Variants in NRXN3 observed in about 807,000 individuals in gnomAD.
NRXN3 encodes the protein neurexin 3, also known as neurexin III.
NRXN3 carries 32 observed loss-of-function variants against 137.6 expected under a neutral mutation model. That is an observed-to-expected ratio of 0.23 (90% CI 0.18 to 0.31). The LOEUF is 0.31. NRXN3 is among the 10% of genes least tolerant of loss of function. The pLI, the probability that NRXN3 is intolerant of heterozygous loss-of-function variation, is 1.00. For synonymous variants in NRXN3, 798 were observed against 784.5 expected, an observed-to-expected ratio of 1.02 and a Z score of -0.29; for missense variants, 1,574 against 2,062.5, an observed-to-expected ratio of 0.76 and a Z score of 4.59.
chr14:78,336,180 T>A (rs1274932645), intron 4 of NRXN3, among the ~76,000 whole-genome samples: 1 of 152,198 alleles, frequency 6.6e-6, no homozygotes, highest in Admixed American at 6.5e-5. Context: ...TGGGTGTAAG[T>A]GGTTCTAGAG....
chr14:79,287,769 AT>A (rs1446449755), intron 15 of NRXN3, among the ~76,000 whole-genome samples: 1 of 152,240 alleles, frequency 6.6e-6, no homozygotes, highest in Non-Finnish European at 1.5e-5. Flanking sequence ...ACTTTGAATT[AT>A]AACATTATAT....
At chr14:79,247,752 CTTCTT>C (rs2153366384) in intron 15 of NRXN3, among the ~76,000 whole-genome samples, 1 of 152,126 alleles carries the variant, frequency 6.6e-6, no homozygotes, top group East Asian at 1.9e-4. Flanking sequence ...TATGAGAAAG[CTTCTT>C]TTATTTTTTA....
At chr14:78,470,996 A>G (rs2095254276) in intron 4 of NRXN3, among the ~76,000 whole-genome samples, 2 of 152,098 alleles carry the variant, frequency 1.3e-5, no homozygotes, top group African/African-American at 4.8e-5. Flanking sequence ...ATCCTAATCT[A>G]TACTCAGCCT....
intron 10 of NRXN3, among the ~76,000 whole-genome samples, chr14:78,845,117 T>C (rs1304763079): frequency 1.3e-5 from 2 of 152,082 alleles, no homozygotes; most frequent in Non-Finnish European, 2.9e-5. Flanking sequence ...TAAAGAGTAG[T>C]ATAGAATTTA....
At chr14:78,445,585 C>T (rs1449825997) in intron 4 of NRXN3, among the ~76,000 whole-genome samples, 1 of 152,210 alleles carries the variant, frequency 6.6e-6, no homozygotes, top group African/African-American at 2.4e-5. Flanking sequence ...CTCTGTTCTA[C>T]AGTGCCTTGA....
intron 15 of NRXN3, among the ~76,000 whole-genome samples, chr14:79,172,630 A>G (rs1223346032): frequency 2.0e-5 from 3 of 152,212 alleles, no homozygotes; most frequent in Admixed American, 6.5e-5. Context: ...ATCAAAGACT[A>G]TGGTTTTGAG....
chr14:78,395,174 T>C (rs1337373848), intron 4 of NRXN3, among the ~76,000 whole-genome samples: 1 of 151,912 alleles, frequency 6.6e-6, no homozygotes, highest in East Asian at 1.9e-4. Flanking sequence ...TTCTAATATA[T>C]GCAGTTAGTG....
chr14:79,441,543 CT>C (rs1241394351), intron 15 of NRXN3, among the ~76,000 whole-genome samples: 1 of 151,688 alleles, frequency 6.6e-6, no homozygotes, highest in African/African-American at 2.4e-5. Flanking sequence ...CCGCACCCGG[CT>C]AATTTGTTTG....
intron 8 of NRXN3, among the ~76,000 whole-genome samples, chr14:78,764,228 A>G (rs1372463145): frequency 6.6e-6 from 1 of 152,258 alleles, no homozygotes; most frequent in Admixed American, 6.5e-5. Context: ...ATCAACTTCC[A>G]AAGCAACAGA....
At chr14:79,306,011 G>A (rs186223021) in intron 15 of NRXN3, among the ~76,000 whole-genome samples, 164 of 152,198 alleles carry the variant, frequency 1.1e-3, no homozygotes, top group African/African-American at 3.7e-3. Flanking sequence ...TTGCGTTCCA[G>A]TGTGAAATAG....
At chr14:79,508,526 A>AATCCCAG (rs2096901867) in intron 16 of NRXN3, among the ~76,000 whole-genome samples, 1 of 151,150 alleles carries the variant, frequency 6.6e-6, no homozygotes, top group Non-Finnish European at 1.5e-5. Context: ...AGTAACTGGG[A>AATCCCAG]TTACAGGTGC....
chr14:79,084,084 A>AT (rs200238022), intron 15 of NRXN3, among the ~76,000 whole-genome samples: 2,433 of 151,376 alleles, frequency 0.016, 54 homozygotes, highest in African/African-American at 0.056. Context: ...TAATTTATTT[A>AT]TTTTTTTTTT....
At chr14:79,208,885 G>A (rs1032794812) in intron 15 of NRXN3, among the ~76,000 whole-genome samples, 1 of 150,788 alleles carries the variant, frequency 6.6e-6, no homozygotes, top group African/African-American at 2.4e-5. Context: ...TGCCAAGAAT[G>A]TTATACCAAT....
chr14:79,519,880 A>G (rs1429718541), intron 16 of NRXN3, among the ~76,000 whole-genome samples: 1 of 150,370 alleles, frequency 6.7e-6, no homozygotes, highest in East Asian at 2.0e-4. Flanking sequence ...TTCAATGCAT[A>G]AGTCTTTAAG....
intron 6 of NRXN3, among the ~76,000 whole-genome samples, chr14:78,667,693 C>A (rs2097899207): frequency 6.6e-6 from 1 of 152,170 alleles, no homozygotes; most frequent in East Asian, 1.9e-4. Context: ...AAAAAACTCA[C>A]TCATGGATAA....
chr14:78,948,441 C>T (rs1411612307), intron 10 of NRXN3, among the ~76,000 whole-genome samples: 1 of 152,160 alleles, frequency 6.6e-6, no homozygotes, highest in Non-Finnish European at 1.5e-5. Context: ...CAAGGGCTGG[C>T]CATGCTTGAA....
chr14:79,529,057 C>T lies in NRXN3; in HGVS notation c.3444+61655C>T, dbSNP rs2097146746. Among the ~76,000 whole-genome samples the T allele has an allele frequency of 2.0e-5, 3 of 152,126 alleles. No individual in the cohort carries two copies. In the South Asian group the frequency reaches 6.2e-4, roughly 31 times the overall value. ...CCGCTGTAGCAGGACGAGCCGCAGA[C>T]GAAACCTCTCAGACACCAAATTGTA... On this transcript the variant is annotated intron_variant, in intron 16 of 20. Coordinates refer to ENST00000335750, the MANE Select transcript of NRXN3 (RefSeq NM_001330195.2).
chr14:78,683,272 A>G (rs2098093494), intron 6 of NRXN3, among the ~76,000 whole-genome samples: 1 of 152,256 alleles, frequency 6.6e-6, no homozygotes, highest in South Asian at 2.1e-4. Context: ...ATAATTACAT[A>G]TGCCACTTAT....
chr14:78,256,822 A>G (rs2069709304), intron 2 of NRXN3, among the ~76,000 whole-genome samples: 1 of 152,304 alleles, frequency 6.6e-6, no homozygotes, highest in Admixed American at 6.5e-5. Context: ...CTCATGGGGA[A>G]TTTGTTCAGA....
Sources: allele counts gnomAD v4.1 joint callset (sites outside exome capture counted in the v4.1 genomes callset), GRCh38; gene constraint gnomAD v4.1.1; transcripts MANE v1.5; gene names NCBI Gene and HGNC (gene_info 2026-07-23, HGNC 2026-07-21).